Variants in GSG1 observed in about 807,000 individuals in gnomAD.
The protein encoded by GSG1 is germ cell associated 1.
In GSG1, 28 loss-of-function variants were observed where a neutral mutation model predicts 30.8. The ratio of observed to expected loss-of-function variants is 0.91; its 90% CI spans 0.67 to 1.25. The LOEUF (loss-of-function observed/expected upper bound fraction) is 1.25. Ranked by LOEUF, GSG1 falls within the 50% of genes most tolerant of loss-of-function variation. The pLI is 0.00. For missense variants in GSG1, 435 were observed against 444.7 expected (o/e 0.98, Z 0.20); for synonymous variants, 162 against 178.0 (o/e 0.91, Z 0.71).
rs1865340019 is a variant in GSG1, at chr12:13,084,716, T to C, written c.*185A>G. ...TGGGGTGGGTGAAACAAGATGGAGCTGTAGAGGAAAAGAGAGCAGTGGCAC... is the reference window on the plus strand; with the variant it reads ...TGGGGTGGGTGAAACAAGATGGAGCCGTAGAGGAAAAGAGAGCAGTGGCAC... On this transcript the variant is annotated 3_prime_UTR_variant, in exon 7 of 7. Transcript: ENST00000651961. 1 of 509,796 alleles carries C rather than the reference T, an allele frequency of 2.0e-6. No individual in the cohort carries two copies. Among genetic ancestry groups the C allele is most frequent in the Non-Finnish European group, 3.5e-6 (1 of 285,388 alleles). 31.6% of individuals were successfully genotyped at this position (509,796 alleles called of 1,614,324 possible). A position where few individuals can be genotyped will look rare whatever the true frequency, so the allele number is the denominator to read the frequency against.
intron 1 of GSG1, among the ~76,000 whole-genome samples, chr12:13,102,300 A>T (rs1863271044): frequency 6.6e-6 from 1 of 152,224 alleles, no homozygotes; most frequent in South Asian, 2.1e-4. Flanking sequence ...GGCCAGATTT[A>T]TGGGACCTCC....
chr12:13,099,631 C>T (rs1276095730), intron 1 of GSG1, among the ~76,000 whole-genome samples: 2 of 152,078 alleles, frequency 1.3e-5, no homozygotes, highest in African/African-American at 4.8e-5. Flanking sequence ...TTTGTGAGTT[C>T]ACTGCAGGTT....
intron 6 of GSG1, among the ~76,000 whole-genome samples, chr12:13,086,530 CA>C (rs1426351946): frequency 6.6e-6 from 1 of 152,200 alleles, no homozygotes; most frequent in Non-Finnish European, 1.5e-5. Context: ...TAAGAGCTCT[CA>C]AAGATAATAT....
intron 1 of GSG1, chr12:13,095,615 G>A (rs375229603): frequency 1.3e-5 from 21 of 1,614,204 alleles, no homozygotes; most frequent in East Asian, 6.7e-5. Flanking sequence ...CATGGTCAGC[G>A]TCTTGCAGCT....
chr12:13,098,254 C>A (rs558131846), intron 1 of GSG1, among the ~76,000 whole-genome samples: 1 of 151,800 alleles, frequency 6.6e-6, no homozygotes, highest in Admixed American at 6.6e-5. Flanking sequence ...GTGCTTCCCC[C>A]ACCAGTCGGC....
At chr12:13,099,241 G>A (rs1299763096) in intron 1 of GSG1, among the ~76,000 whole-genome samples, 1 of 152,132 alleles carries the variant, frequency 6.6e-6, no homozygotes, top group Admixed American at 6.5e-5. Context: ...TGTAATTTGG[G>A]CATGTTAATA....
chr12:13,085,321 C>G (rs1865418195), intron 6 of GSG1, 78 bp from the exon 7 acceptor site: 5 of 1,298,996 alleles, frequency 3.8e-6, no homozygotes, highest in Non-Finnish European at 5.3e-6. Context: ...CCTCTTCCTA[C>G]TAGTGGACTA....
At chr12:13,088,998 C>T (rs1201928177) in intron 3 of GSG1, 89 bp from the exon 4 acceptor site, 3 of 1,499,884 alleles carry the variant, frequency 2.0e-6, no homozygotes, top group Non-Finnish European at 9.2e-7. Flanking sequence ...GTACTGCTCC[C>T]TCTGCTCTGA....
intron 2 of GSG1, among the ~76,000 whole-genome samples, chr12:13,089,682 G>A (rs1865895189): frequency 6.6e-6 from 1 of 152,180 alleles, no homozygotes; most frequent in Non-Finnish European, 1.5e-5. Flanking sequence ...AAAATACTTT[G>A]GGGCCAGGAA....
At chr12:13,085,678 A>G (rs1865457113) in intron 6 of GSG1, among the ~76,000 whole-genome samples, 1 of 152,092 alleles carries the variant, frequency 6.6e-6, no homozygotes, top group African/African-American at 2.4e-5. Context: ...ACACACACAC[A>G]TGCCCTGCCA....
In GSG1 at chr12:13,087,168, A is replaced by G. The variant is rs774529340; in HGVS notation, c.730T>C (p.Tyr244His). The G allele has an allele frequency of 4.3e-6, 7 of 1,613,044 alleles. No homozygotes were observed. Among genetic ancestry groups the G allele is most frequent in the Non-Finnish European group, 5.9e-6 (7 of 1,179,184 alleles). ...PEDWRPHVWNYGWAFYMAWLS... is the reference protein window; with the variant it reads ...PEDWRPHVWNHGWAFYMAWLS... ...AGCACTTACTAGAAGGCCCAGCCAT[A>G]ATTCCAAACATGTGGTCTCCAGTCT... Residue 244 changes from tyrosine (Y) to histidine (H), a missense_variant, in exon 6 of 7, where the codon TAT becomes CAT. Coordinates refer to ENST00000651961, the MANE Select transcript of GSG1 (RefSeq NM_001080555.4).
At chr12:13,091,830 A>G (rs1232316341) in intron 1 of GSG1, among the ~76,000 whole-genome samples, 1 of 152,248 alleles carries the variant, frequency 6.6e-6, no homozygotes, top group Non-Finnish European at 1.5e-5. Flanking sequence ...CTTCATTCTG[A>G]AGGTTCCCAC....
intron 1 of GSG1, among the ~76,000 whole-genome samples, chr12:13,098,137 CTT>C (rs1862868479): frequency 6.7e-6 from 1 of 149,294 alleles, no homozygotes. Context: ...ATTTTGTGTT[CTT>C]TGTTTTTTTT....
intron 1 of GSG1, among the ~76,000 whole-genome samples, chr12:13,091,977 C>T (rs1420579071): frequency 6.6e-6 from 1 of 152,170 alleles, no homozygotes; most frequent in Non-Finnish European, 1.5e-5. Context: ...GGGGATGATG[C>T]ATCTTTAAGT....
At chr12:13,100,860 G>GAC (rs1863143791) in intron 1 of GSG1, among the ~76,000 whole-genome samples, 1 of 152,118 alleles carries the variant, frequency 6.6e-6, no homozygotes, top group African/African-American at 2.4e-5. Flanking sequence ...CACCTCAAAT[G>GAC]GTCGCACAAT....
intron 1 of GSG1, among the ~76,000 whole-genome samples, chr12:13,097,252 C>T (rs1393536971): frequency 1.3e-5 from 2 of 152,168 alleles, no homozygotes; most frequent in African/African-American, 4.8e-5. Flanking sequence ...TGGTGAATTG[C>T]CTGCCTTTCA....
At chr12:13,096,247 G>A (rs979829256) in intron 1 of GSG1, among the ~76,000 whole-genome samples, 1 of 152,064 alleles carries the variant, frequency 6.6e-6, no homozygotes, top group African/African-American at 2.4e-5. Context: ...GCCTAGGTGG[G>A]CGGATCACAA....
chr12:13,096,408 A>G (rs532641841), intron 1 of GSG1, among the ~76,000 whole-genome samples: 1 of 148,336 alleles, frequency 6.7e-6, no homozygotes, highest in South Asian at 2.1e-4. Flanking sequence ...TGGAAGGCAG[A>G]GCTTGCAGTG....
rs1475723836 is a variant in GSG1 at position 13,089,258 on chromosome 12, G to A, written c.383C>T (p.Ser128Phe). The A allele has an allele frequency of 1.3e-6, 2 of 1,557,054 alleles. No homozygotes were observed. The highest frequency in any genetic ancestry group is 2.7e-5 in the African/African-American group (2 of 73,270). Residue 128 changes from serine (S) to phenylalanine (F), a missense_variant, in exon 3 of 7, where the codon TCC (serine) becomes TTC (phenylalanine). Physicochemically the swap from Ser to Phe is radical, Grantham distance 155. Transcript: ENST00000651961. ...VEEPALLHPQ[S>F]WKQFRALRSS... ...CCGAAGGGCTCTAAATTGTTTCCAGGACTGGGGATGGAGCAGTGCTAAGTG... is the reference window on the plus strand; with the variant it reads ...CCGAAGGGCTCTAAATTGTTTCCAGAACTGGGGATGGAGCAGTGCTAAGTG...
Sources: allele counts gnomAD v4.1 joint callset (sites outside exome capture counted in the v4.1 genomes callset), GRCh38; gene constraint gnomAD v4.1.1; transcripts MANE v1.5; gene names NCBI Gene and HGNC (gene_info 2026-07-23, HGNC 2026-07-21).